The following KHDRBS3 variants were observed in gnomAD, a reference collection of about 807,000 sequenced individuals.
The protein encoded by KHDRBS3 is KH RNA binding domain containing, signal transduction associated 3.
Under a neutral mutation model 45.6 loss-of-function variants are expected in KHDRBS3, and 23 were observed. The observed-to-expected ratio is 0.50, with a 90% confidence interval of 0.36 to 0.72. The LOEUF (loss-of-function observed/expected upper bound fraction) is 0.72, where lower values mean the gene tolerates loss of function less well. KHDRBS3 is among the 30% of genes least tolerant of loss of function. KHDRBS3 has a pLI of 0.00. For synonymous variants in KHDRBS3, 162 were observed against 156.5 expected, an observed-to-expected ratio of 1.04 and a Z score of -0.26; for missense variants, 352 against 424.8, an observed-to-expected ratio of 0.83 and a Z score of 1.51.
chr8:135,612,832 T>C (rs1829761002), intron 7 of KHDRBS3, among the ~76,000 whole-genome samples: 1 of 151,832 alleles, frequency 6.6e-6, no homozygotes, highest in Admixed American at 6.6e-5. Context: ...CCAGTCCAGA[T>C]TGAGATGTGC....
intron 1 of KHDRBS3, among the ~76,000 whole-genome samples, chr8:135,490,896 A>G (rs1485587948): frequency 6.6e-6 from 1 of 152,232 alleles, no homozygotes; most frequent in Non-Finnish European, 1.5e-5. Flanking sequence ...TGTGTGCTCC[A>G]TTTAAAAATT....
intron 1 of KHDRBS3, among the ~76,000 whole-genome samples, chr8:135,517,895 A>G (rs1824697672): frequency 6.6e-6 from 1 of 152,200 alleles, no homozygotes; most frequent in African/African-American, 2.4e-5. Context: ...GCAACTTAAG[A>G]TTTGTAGGAT....
At chr8:135,499,669 G>A (rs1823634608) in intron 1 of KHDRBS3, among the ~76,000 whole-genome samples, 1 of 152,102 alleles carries the variant, frequency 6.6e-6, no homozygotes. Context: ...CATTTTTTAA[G>A]TTATTCATTT....
intron 1 of KHDRBS3, among the ~76,000 whole-genome samples, chr8:135,490,653 C>G (rs1006061733): frequency 7.9e-5 from 12 of 152,124 alleles, no homozygotes; most frequent in Admixed American, 3.9e-4. Context: ...TGGGAAGTTT[C>G]TCTTTTTGTT....
chr8:135,531,489 C>T (rs1825475641), intron 2 of KHDRBS3, among the ~76,000 whole-genome samples: 1 of 151,858 alleles, frequency 6.6e-6, no homozygotes, highest in South Asian at 2.1e-4. Flanking sequence ...AGCTTTAACT[C>T]CATAAGTATT....
intron 4 of KHDRBS3, among the ~76,000 whole-genome samples, chr8:135,556,505 A>AT (rs760892544): frequency 3.3e-5 from 5 of 152,140 alleles, no homozygotes; most frequent in Non-Finnish European, 5.9e-5. Flanking sequence ...ATTTTTTCAT[A>AT]TAACTGTTGG....
downstream of KHDRBS3, among the ~76,000 whole-genome samples, chr8:135,648,989 T>A (rs1831375387): frequency 6.6e-6 from 1 of 152,118 alleles, no homozygotes; most frequent in Non-Finnish European, 1.5e-5. Context: ...GGCAAAAAAA[T>A]TACACAGATA....
intron 1 of KHDRBS3, among the ~76,000 whole-genome samples, chr8:135,460,382 T>G (rs1821370499): frequency 6.6e-6 from 1 of 152,218 alleles, no homozygotes; most frequent in South Asian, 2.1e-4. Flanking sequence ...GCACTAGTTT[T>G]GTCCTCACAC....
intron 7 of KHDRBS3, among the ~76,000 whole-genome samples, chr8:135,609,757 C>T (rs1192206856): frequency 1.3e-5 from 2 of 151,792 alleles, no homozygotes; most frequent in South Asian, 2.1e-4. Flanking sequence ...ACTGAGACGT[C>T]GTTATGCAGC....
At chr8:135,650,177 G>A (rs1361544435), downstream of KHDRBS3, among the ~76,000 whole-genome samples, 2 of 152,152 alleles carry the variant, frequency 1.3e-5, no homozygotes, top group Admixed American at 6.5e-5. Context: ...TACAAAGACT[G>A]ATAAGACATG....
At chr8:135,498,036 G>A (rs750205549) in intron 1 of KHDRBS3, among the ~76,000 whole-genome samples, 1 of 152,060 alleles carries the variant, frequency 6.6e-6, no homozygotes, top group Non-Finnish European at 1.5e-5. Flanking sequence ...ACCTAGGTTG[G>A]TGGCTGGATT....
At chr8:135,637,640 CATT>C (rs1830873179) in intron 7 of KHDRBS3, among the ~76,000 whole-genome samples, 1 of 152,114 alleles carries the variant, frequency 6.6e-6, no homozygotes, top group South Asian at 2.1e-4. Flanking sequence ...GGCAACAAAA[CATT>C]ATTATTACAG....
chr8:135,493,705 C>T (rs924231987), intron 1 of KHDRBS3, among the ~76,000 whole-genome samples: 1 of 152,048 alleles, frequency 6.6e-6, no homozygotes, highest in Non-Finnish European at 1.5e-5. Context: ...TTAGTAATAA[C>T]TTTTTCATCT....
Position 135,606,971 on chromosome 8 carries a change from A to G in KHDRBS3, c.824A>G (p.Tyr275Cys), listed in dbSNP as rs753430024. The change falls in exon 7 of 9, where the codon TAT (tyrosine) becomes TGT (cysteine). Residue 275 changes from tyrosine to cysteine, a missense_variant. By Grantham distance (194) the Tyr-to-Cys change is radical. Around this residue, in one of 6 missense-constraint regions of KHDRBS3, gnomAD observed 212 missense variants for 209.6 expected, o/e 1.01. Coordinates refer to ENST00000355849, the MANE Select transcript of KHDRBS3 (RefSeq NM_006558.3). ...TYGEYDYDDGYGTAYDEQSYD... is the reference protein window; with the variant it reads ...TYGEYDYDDGCGTAYDEQSYD... ...ATGTTTTAGGACTATGATGATGGAT[A>G]TGGCACTGCTTATGATGAACAGAGT... 4 of 1,613,328 alleles carry G rather than the reference A, an allele frequency of 2.5e-6. No individual in the cohort carries two copies. The highest frequency in any genetic ancestry group is 3.3e-5 in the Admixed American group (2 of 60,002).
intron 6 of KHDRBS3, among the ~76,000 whole-genome samples, chr8:135,600,183 C>T (rs569633105): frequency 6.6e-6 from 1 of 152,284 alleles, no homozygotes; most frequent in South Asian, 2.1e-4. Context: ...GTTAATCTTC[C>T]CCTATTGTTC....
At chr8:135,583,066 A>T (rs1315367968) in intron 6 of KHDRBS3, among the ~76,000 whole-genome samples, 1 of 152,100 alleles carries the variant, frequency 6.6e-6, no homozygotes, top group Non-Finnish European at 1.5e-5. Context: ...GTTTCATTTG[A>T]CTGTCTCCTT....
At chr8:135,505,141 C>T (rs1823926634) in intron 1 of KHDRBS3, among the ~76,000 whole-genome samples, 1 of 152,110 alleles carries the variant, frequency 6.6e-6, no homozygotes, top group Non-Finnish European at 1.5e-5. Flanking sequence ...TTTGGTTTTC[C>T]AAAAAGCAAT....
intron 1 of KHDRBS3, among the ~76,000 whole-genome samples, chr8:135,515,402 A>G: frequency 8.8e-6 from 1 of 113,858 alleles, no homozygotes; most frequent in Non-Finnish European, 1.8e-5. Flanking sequence ...AAAAAAAAAA[A>G]GATTCCCTGT....
chr8:135,559,045 CAT>C (rs1321630009), intron 5 of KHDRBS3, among the ~76,000 whole-genome samples: 4 of 152,136 alleles, frequency 2.6e-5, no homozygotes, highest in African/African-American at 4.8e-5. Flanking sequence ...TACAAGGAGA[CAT>C]GTGATTATAT....
Sources: gnomAD v4.1 joint callset for allele counts (sites outside exome capture counted in the v4.1 genomes callset) on GRCh38, gnomAD v4.1.1 for gene constraint, gnomAD v4.1.1 regional missense constraint, MANE v1.5 for transcripts, NCBI Gene and HGNC (gene_info 2026-07-23, HGNC 2026-07-21) for gene names.